The following MAP3K13 variants were observed in gnomAD, a reference collection of about 807,000 sequenced individuals.
MAP3K13 encodes leucine zipper-bearing kinase.
Under a neutral mutation model 104.0 loss-of-function variants are expected in MAP3K13, and 52 were observed. The ratio of observed to expected loss-of-function variants is 0.50; its 90% confidence interval spans 0.40 to 0.63. MAP3K13 has a LOEUF of 0.63. Among genes scored for constraint, MAP3K13 ranks in the 20% least tolerant of loss-of-function variants. The probability of loss-of-function intolerance (pLI) is 0.00; values close to 1 mark genes in which losing one functional copy is unlikely to be tolerated. For missense variants in MAP3K13, 914 were observed against 1,218.5 expected (o/e 0.75, Z 3.72); for synonymous variants, 394 against 442.2 (o/e 0.89, Z 1.37).
chr3:185,474,232 A>G (rs1357392288), intron 11 of MAP3K13, among the ~76,000 whole-genome samples: 1 of 152,200 alleles, frequency 6.6e-6, no homozygotes, highest in Admixed American at 6.5e-5. Flanking sequence ...AGACTGAGGC[A>G]TGAGAATTGC....
chr3:185,435,831 C>T (rs964560923), intron 2 of MAP3K13, among the ~76,000 whole-genome samples: 25 of 152,140 alleles, frequency 1.6e-4, no homozygotes, highest in Admixed American at 1.2e-3. Flanking sequence ...TAGCTCACTT[C>T]TAGAGGCAGA....
chr3:185,382,392 C>T (rs540546790), intron 1 of MAP3K13, among the ~76,000 whole-genome samples: 21 of 152,128 alleles, frequency 1.4e-4, no homozygotes, highest in African/African-American at 4.3e-4. Context: ...GAAAATGAAA[C>T]TGCAAATAAG....
chr3:185,455,237 TATATATATGATATATATGAG>T (rs1716423602), intron 7 of MAP3K13, among the ~76,000 whole-genome samples: 2 of 47,514 alleles, frequency 4.2e-5, no homozygotes, highest in African/African-American at 1.4e-4. Flanking sequence ...ATATATGAGA[TATATATATGATATATATGAG>T]ATATATGAGA....
At position 185,437,400 on chromosome 3, in the gene MAP3K13, G is replaced by T. The variant is rs778021736; in HGVS notation, c.476-47G>T. The T allele has an allele frequency of 3.9e-6, 6 of 1,555,816 alleles. No individual in the cohort carries two copies. The South Asian group carries it at 7.0e-5, about 18-fold the overall frequency. ...ACCTTCAGAATGGCCTTGTAGAGTG[G>T]TCCCTTCTGAGATCTCTTCAAGCTT... On this transcript the variant is annotated intron_variant, in intron 2 of 13. Coordinates refer to ENST00000265026, the MANE Select transcript of MAP3K13 (RefSeq NM_004721.5).
chr3:185,476,105 C>T (rs1458392693), intron 11 of MAP3K13, among the ~76,000 whole-genome samples: 1 of 152,022 alleles, frequency 6.6e-6, no homozygotes, highest in African/African-American at 2.4e-5. Context: ...AACCCCACAC[C>T]CTTTAGCAGT....
At chr3:185,373,457 C>T (rs1724255430) in intron 1 of MAP3K13, among the ~76,000 whole-genome samples, 2 of 152,106 alleles carry the variant, frequency 1.3e-5, no homozygotes, top group African/African-American at 4.8e-5. Flanking sequence ...GCCTGGCCAA[C>T]ATGAGGAAAC....
intron 1 of MAP3K13, among the ~76,000 whole-genome samples, chr3:185,410,449 A>C (rs1334787487): frequency 1.3e-5 from 2 of 152,164 alleles, no homozygotes; most frequent in African/African-American, 2.4e-5. Flanking sequence ...TAGGATGACT[A>C]TCGTTAACAA....
chr3:185,455,065 T>TATATATGAGATATATGTGAG (rs1716368256), intron 7 of MAP3K13, among the ~76,000 whole-genome samples: 1 of 117,938 alleles, frequency 8.5e-6, no homozygotes, highest in African/African-American at 3.1e-5. Flanking sequence ...ATGTGAGATA[T>TATATATGAGATATATGTGAG]ATATGAGATA....
chr3:185,355,728 C>G (rs1477889438), intron 2 of MAP3K13, among the ~76,000 whole-genome samples: 1 of 151,912 alleles, frequency 6.6e-6, no homozygotes, highest in Non-Finnish European at 1.5e-5. Context: ...GAAAAATACA[C>G]TTTTATAACC....
In MAP3K13 at chr3:185,487,723, A is replaced by C. The variant is rs1211905142; in HGVS notation, c.*5267A>C. 6.6e-6 allele frequency: 1 copy of C among 152,182 alleles called. No individual in the cohort carries two copies. The highest frequency in any genetic ancestry group is 1.5e-5 in the Non-Finnish European group (1 of 68,058). 9.4% of individuals were successfully genotyped at this position (152,182 alleles called of 1,614,324 possible). On this transcript the variant is annotated 3_prime_UTR_variant, in exon 14 of 14. Transcript: ENST00000265026. Reference sequence around the variant, plus strand: ...TGTTTTGTTTTCCCACTGAGCCAGAAGCCGAAATATTATACTACCACTTAC... The same window carrying C: ...TGTTTTGTTTTCCCACTGAGCCAGACGCCGAAATATTATACTACCACTTAC...
chr3:185,465,984 T>A (rs759862869), intron 9 of MAP3K13, 121 bp downstream of exon 9: 18 of 760,978 alleles, frequency 2.4e-5, no homozygotes, highest in Non-Finnish European at 3.8e-5. Context: ...TCACCCAACA[T>A]TCCTTCCGGG....
intron 2 of MAP3K13, among the ~76,000 whole-genome samples, chr3:185,288,261 T>C (rs1720600561): frequency 1.3e-5 from 2 of 152,074 alleles, no homozygotes; most frequent in Non-Finnish European, 2.9e-5. Context: ...TGAACCTGAA[T>C]GTAAAAGTTA....
intron 2 of MAP3K13, among the ~76,000 whole-genome samples, chr3:185,287,194 G>C (rs182455411): frequency 6.4e-4 from 98 of 152,250 alleles, no homozygotes; most frequent in African/African-American, 2.2e-3. Flanking sequence ...AGGTGATACC[G>C]TGGGTGTTAC....
chr3:185,458,153 GA>G (rs1423792383), intron 7 of MAP3K13, among the ~76,000 whole-genome samples: 2 of 152,098 alleles, frequency 1.3e-5, no homozygotes, highest in African/African-American at 4.8e-5. Flanking sequence ...TGGATCATTT[GA>G]GGTCAGGAGT....
chr3:185,342,373 T>C (rs1262503271), intron 2 of MAP3K13, among the ~76,000 whole-genome samples: 1 of 152,224 alleles, frequency 6.6e-6, no homozygotes, highest in Non-Finnish European at 1.5e-5. Context: ...CTGCTCTGTC[T>C]GTCTTATCTA....
At position 185,486,985 on chromosome 3, in the gene MAP3K13, T is replaced by C. The variant is rs1311806510; in HGVS notation, c.*4529T>C. On this transcript the variant is annotated 3_prime_UTR_variant, in exon 14 of 14. Transcript: ENST00000265026. ...ATCTAGCTACTTGAAGTTGAGATAC[T>C]ATATTTTAAAATGTTGGCATCAAAC... The C allele has an allele frequency of 6.6e-6, 1 of 152,248 alleles. No individual in the cohort carries two copies. The highest frequency in any genetic ancestry group is 1.5e-5 in the Non-Finnish European group (1 of 68,050). The allele number at this position is 152,248 out of a possible 1,614,324, so 9.4% of individuals were successfully genotyped here. A position where few individuals can be genotyped will look rare whatever the true frequency, so the allele number is the denominator to read the frequency against.
chr3:185,284,207 G>A (rs1205253249), intron 1 of MAP3K13, among the ~76,000 whole-genome samples: 2 of 151,866 alleles, frequency 1.3e-5, no homozygotes, highest in African/African-American at 4.8e-5. Flanking sequence ...TGAGATGTGA[G>A]AATTTTAACT....
intron 1 of MAP3K13, among the ~76,000 whole-genome samples, chr3:185,367,994 A>G (rs182446714): frequency 5.7e-4 from 87 of 152,284 alleles, no homozygotes; most frequent in African/African-American, 2.0e-3. Context: ...CTGGGTCTAC[A>G]AAAAATACAA....
At chr3:185,378,006 T>C (rs12488632) in intron 1 of MAP3K13, among the ~76,000 whole-genome samples, 1,592 of 151,040 alleles carry the variant, frequency 0.011, 25 homozygotes, top group African/African-American at 0.036. Context: ...GCTCCTGGGG[T>C]GGGGGGAGGT....
Sources: allele counts gnomAD v4.1 joint callset (sites outside exome capture counted in the v4.1 genomes callset), GRCh38; gene constraint gnomAD v4.1.1; transcripts MANE v1.5; gene names NCBI Gene and HGNC (gene_info 2026-07-23, HGNC 2026-07-21).